The following NPAS3 variants were observed in gnomAD, a reference collection of about 807,000 sequenced individuals.
NPAS3 encodes neuronal PAS domain protein 3.
In NPAS3, 14 loss-of-function variants were observed where a neutral mutation model predicts 73.1. The observed-to-expected ratio is 0.19, with a 90% CI of 0.13 to 0.30. The LOEUF (loss-of-function observed/expected upper bound fraction) is 0.30, where lower values mean the gene tolerates loss of function less well. NPAS3 is among the 10% of genes least tolerant of loss of function. The pLI, the probability that NPAS3 is intolerant of heterozygous loss-of-function variation, is 1.00. For synonymous variants in NPAS3, 620 were observed against 541.5 expected (o/e 1.14, Z -2.01); for missense variants, 1,096 against 1,250.0 (o/e 0.88, Z 1.86).
chr14:33,297,402 A>G (rs1177993789), intron 3 of NPAS3, among the ~76,000 whole-genome samples: 1 of 152,186 alleles, frequency 6.6e-6, no homozygotes, highest in African/African-American at 2.4e-5. Flanking sequence ...TATTCATAAT[A>G]TAGTAAAGGA....
chr14:33,112,717 T>C (rs1319347848), intron 2 of NPAS3, among the ~76,000 whole-genome samples: 1 of 152,174 alleles, frequency 6.6e-6, no homozygotes. Flanking sequence ...TTGCTTTTAG[T>C]GTTTTAGACA....
intron 2 of NPAS3, among the ~76,000 whole-genome samples, chr14:33,095,293 C>A (rs933064223): frequency 3.3e-5 from 5 of 152,204 alleles, no homozygotes; most frequent in Non-Finnish European, 7.3e-5. Context: ...ATTCCCTAAG[C>A]TGCTGGCAGG....
Position 33,337,643 on chromosome 14 carries a change from GAA to G in NPAS3, c.386-29541_386-29540del, listed in dbSNP as rs1156795059. 3.9e-5 allele frequency among the ~76,000 whole-genome samples: 6 copies of G among 152,026 alleles called. No homozygotes were observed. The East Asian group carries it at 7.7e-4, about 20-fold the overall frequency. On this transcript the variant is annotated intron_variant, in intron 3 of 11. Transcript: ENST00000356141. ...AAAAATTCCTGCTGGAATTTTTATAGAAATTCCACTGAATCTATAGATCAGTT... is the reference window on the plus strand; with the variant it reads ...AAAAATTCCTGCTGGAATTTTTATAGATTCCACTGAATCTATAGATCAGTT...
At chr14:33,327,517 A>T (rs954156739) in intron 3 of NPAS3, among the ~76,000 whole-genome samples, 1 of 152,248 alleles carries the variant, frequency 6.6e-6, no homozygotes, top group African/African-American at 2.4e-5. Context: ...GGTGCAGGAA[A>T]CTTAAAGCAT....
chr14:33,024,372 A>G (rs750915282), intron 1 of NPAS3, among the ~76,000 whole-genome samples: 14 of 151,922 alleles, frequency 9.2e-5, no homozygotes, highest in Admixed American at 3.3e-4. Flanking sequence ...GGGTTTTTCC[A>G]TGCTGGCCAA....
At chr14:33,160,093 T>C (rs2044806885) in intron 2 of NPAS3, among the ~76,000 whole-genome samples, 1 of 152,194 alleles carries the variant, frequency 6.6e-6, no homozygotes, top group South Asian at 2.1e-4. Flanking sequence ...AAGGATAACA[T>C]ATCTTACATA....
chr14:33,201,067 T>A (rs2046594568), intron 2 of NPAS3, among the ~76,000 whole-genome samples: 1 of 152,190 alleles, frequency 6.6e-6, no homozygotes, highest in Non-Finnish European at 1.5e-5. Flanking sequence ...AGATGAGATA[T>A]GACTAATGCA....
chr14:33,713,896 C>T (rs4982107), intron 6 of NPAS3, among the ~76,000 whole-genome samples: 69 of 152,108 alleles, frequency 4.5e-4, no homozygotes, highest in African/African-American at 1.5e-3. Context: ...CTGCTGTGTC[C>T]ACATTGGCCT....
intron 5 of NPAS3, among the ~76,000 whole-genome samples, chr14:33,584,164 C>G (rs2056778442): frequency 6.6e-6 from 1 of 151,962 alleles, no homozygotes; most frequent in Admixed American, 6.6e-5. Context: ...GTTATTAGAC[C>G]AAACACTAGA....
At chr14:33,494,689 A>G (rs1417315764) in intron 4 of NPAS3, among the ~76,000 whole-genome samples, 1 of 152,020 alleles carries the variant, frequency 6.6e-6, no homozygotes, top group East Asian at 1.9e-4. Flanking sequence ...TGTTGTTTAA[A>G]CCATAGGTAT....
At chr14:33,080,153 G>A (rs2041819783) in intron 2 of NPAS3, among the ~76,000 whole-genome samples, 1 of 151,960 alleles carries the variant, frequency 6.6e-6, no homozygotes, top group South Asian at 2.1e-4. Context: ...TATCACCCAG[G>A]CTGGAGTGCA....
chr14:33,356,631 G>A (rs2045349189), intron 3 of NPAS3, among the ~76,000 whole-genome samples: 1 of 152,208 alleles, frequency 6.6e-6, no homozygotes, highest in South Asian at 2.1e-4. Context: ...TCCCACTGAT[G>A]ACACAGGGCA....
chr14:33,696,534 T>A (rs2060386673), intron 6 of NPAS3, among the ~76,000 whole-genome samples: 1 of 152,190 alleles, frequency 6.6e-6, no homozygotes, highest in Non-Finnish European at 1.5e-5. Flanking sequence ...CATTATTCTT[T>A]GGGGTTTGTC....
intron 1 of NPAS3, among the ~76,000 whole-genome samples, chr14:32,997,081 C>G (rs1338635989): frequency 1.3e-5 from 2 of 152,206 alleles, no homozygotes; most frequent in African/African-American, 4.8e-5. Context: ...GGATGTGAGA[C>G]ATGGAGTCAA....
intron 4 of NPAS3, among the ~76,000 whole-genome samples, chr14:33,396,839 G>A (rs1052738829): frequency 3.3e-5 from 5 of 151,862 alleles, no homozygotes; most frequent in African/African-American, 1.2e-4. Context: ...TATTATATCT[G>A]TCCATGAAAA....
intron 4 of NPAS3, among the ~76,000 whole-genome samples, chr14:33,495,911 G>A (rs2052159955): frequency 6.6e-6 from 1 of 151,926 alleles, no homozygotes; most frequent in South Asian, 2.1e-4. Flanking sequence ...ATGAATCCAG[G>A]AGCTGGTTTT....
intron 4 of NPAS3, among the ~76,000 whole-genome samples, chr14:33,464,906 A>G (rs1196902597): frequency 1.3e-5 from 2 of 152,186 alleles, no homozygotes; most frequent in Non-Finnish European, 2.9e-5. Flanking sequence ...GGCCTGGCAC[A>G]CAGTAAGCAC....
intron 2 of NPAS3, among the ~76,000 whole-genome samples, chr14:33,135,457 A>G (rs2043796549): frequency 6.6e-6 from 1 of 152,250 alleles, no homozygotes. Flanking sequence ...TATTAAAAAT[A>G]AGACATTCAA....
At chr14:33,121,869 G>T (rs1359607041) in intron 2 of NPAS3, among the ~76,000 whole-genome samples, 5 of 152,128 alleles carry the variant, frequency 3.3e-5, no homozygotes, top group Non-Finnish European at 7.4e-5. Flanking sequence ...TATACCTCAC[G>T]TGGAAATTGT....
Sources: allele counts gnomAD v4.1 joint callset (sites outside exome capture counted in the v4.1 genomes callset), GRCh38; gene constraint gnomAD v4.1.1; transcripts MANE v1.5; gene names NCBI Gene and HGNC (gene_info 2026-07-23, HGNC 2026-07-21).